ANKS1B: variants seen among roughly 807,000 people sequenced by gnomAD.
The protein encoded by ANKS1B is ankyrin repeat and sterile alpha motif domain containing 1B.
In ANKS1B, 36 loss-of-function variants were observed where a neutral mutation model predicts 148.3. The ratio of observed to expected loss-of-function variants is 0.24; its 90% CI spans 0.19 to 0.32. The LOEUF (loss-of-function observed/expected upper bound fraction) is 0.32. Among genes scored for constraint, ANKS1B ranks in the 10% least tolerant of loss-of-function variants. The pLI is 1.00. For synonymous variants in ANKS1B, 542 were observed against 560.8 expected (o/e 0.97, Z 0.47); for missense variants, 1,157 against 1,542.6 (o/e 0.75, Z 4.19).
chr12:99,899,783 C>T (rs1002186508), intron 1 of ANKS1B, among the ~76,000 whole-genome samples: 1 of 152,042 alleles, frequency 6.6e-6, no homozygotes, highest in Non-Finnish European at 1.5e-5. Context: ...AATAATAATG[C>T]CCTTGTTATT....
chr12:98,926,350 A>T (rs1384162841), intron 17 of ANKS1B, among the ~76,000 whole-genome samples: 1 of 152,210 alleles, frequency 6.6e-6, no homozygotes, highest in Admixed American at 6.5e-5. Context: ...GAATTAGTCC[A>T]GGAAAGTCAC....
chr12:99,341,605 A>T (rs1012268281), intron 12 of ANKS1B, among the ~76,000 whole-genome samples: 2 of 152,084 alleles, frequency 1.3e-5, no homozygotes, highest in African/African-American at 4.8e-5. Context: ...GCTTCAAGGA[A>T]ATCTAGAAAT....
intron 12 of ANKS1B, among the ~76,000 whole-genome samples, chr12:99,259,716 A>G (rs1468983127): frequency 6.6e-6 from 1 of 152,146 alleles, no homozygotes; most frequent in African/African-American, 2.4e-5. Context: ...TGCGCTTTGC[A>G]TTGAAAGAAG....
At chr12:99,610,384 A>T (rs1395188221) in intron 9 of ANKS1B, among the ~76,000 whole-genome samples, 1 of 152,096 alleles carries the variant, frequency 6.6e-6, no homozygotes, top group Admixed American at 6.6e-5. Context: ...ACCCCTTCTG[A>T]AATGAGGGTC....
chr12:99,182,973 C>T (rs528221610), intron 14 of ANKS1B, among the ~76,000 whole-genome samples: 1 of 152,264 alleles, frequency 6.6e-6, no homozygotes, highest in South Asian at 2.1e-4. Context: ...TGAGAAATGT[C>T]TATTCAGATC....
chr12:99,631,018 C>A (rs2098154647), intron 9 of ANKS1B, among the ~76,000 whole-genome samples: 1 of 152,088 alleles, frequency 6.6e-6, no homozygotes, highest in Admixed American at 6.5e-5. Context: ...AAGGGGAGTT[C>A]TCCTGTACAT....
intron 1 of ANKS1B, among the ~76,000 whole-genome samples, chr12:99,966,512 A>G (rs1284472472): frequency 6.6e-6 from 1 of 152,180 alleles, no homozygotes; most frequent in African/African-American, 2.4e-5. Flanking sequence ...GGGAGATGAG[A>G]GCCAAATGCT....
At chr12:99,124,417 C>CGTGTGTGTGTGTGTGT (rs1491426061) in intron 15 of ANKS1B, among the ~76,000 whole-genome samples, 1 of 57,122 alleles carries the variant, frequency 1.8e-5, no homozygotes, top group African/African-American at 7.8e-5. Context: ...TATTTGTGTG[C>CGTGTGTGTGTGTGTGT]ATGTGTGTGT....
intron 12 of ANKS1B, among the ~76,000 whole-genome samples, chr12:99,322,368 A>C (rs577907533): frequency 1.9e-4 from 29 of 151,514 alleles, no homozygotes; most frequent in African/African-American, 5.6e-4. Flanking sequence ...GTGGGGAATG[A>C]GGGGAGTGAA....
At chr12:99,515,679 G>C (rs965148002) in intron 9 of ANKS1B, among the ~76,000 whole-genome samples, 13 of 151,922 alleles carry the variant, frequency 8.6e-5, no homozygotes, top group Non-Finnish European at 1.5e-4. Context: ...CTTTGGGGGT[G>C]GGGGGTGTAT....
intron 4 of ANKS1B, among the ~76,000 whole-genome samples, chr12:99,803,125 T>C (rs2067159582): frequency 1.3e-5 from 2 of 152,062 alleles, no homozygotes; most frequent in African/African-American, 2.4e-5. Context: ...GAATATTAAA[T>C]CTACTGAAAC....
Position 99,812,227 on chromosome 12 carries a change from G to A in ANKS1B, c.300C>T (p.Ala100=). 1.2e-6 allele frequency: 2 copies of A among 1,612,028 alleles called. No homozygotes were observed. Among genetic ancestry groups the A allele is most frequent in the Non-Finnish European group, 1.7e-6 (2 of 1,178,698 alleles). ...TCACAATTTCCACATCTCCTTTCCA[G>A]GCAGCCAGGTGAATAGGAAAATACC... is the stretch of plus-strand genomic sequence containing the variant. ...NKGYFPIHLA[A]WKGDVEIVKI... Residue 100 remains alanine, a synonymous_variant, in exon 3 of 27, where the codon GCC becomes GCT. Transcript: ENST00000683438.
At chr12:99,601,060 A>G (rs2097795861) in intron 9 of ANKS1B, among the ~76,000 whole-genome samples, 1 of 151,992 alleles carries the variant, frequency 6.6e-6, no homozygotes, top group South Asian at 2.1e-4. Flanking sequence ...ATAATTGTAA[A>G]ATTTGGAACT....
intron 1 of ANKS1B, among the ~76,000 whole-genome samples, chr12:99,839,414 T>C (rs537949848): frequency 4.6e-5 from 7 of 152,188 alleles, no homozygotes; most frequent in East Asian, 1.9e-4. Flanking sequence ...AGTTTCCCCA[T>C]AGGTAAAACC....
chr12:99,146,136 G>A (rs1267894685), intron 15 of ANKS1B, among the ~76,000 whole-genome samples: 1 of 152,076 alleles, frequency 6.6e-6, no homozygotes, highest in African/African-American at 2.4e-5. Context: ...AATTCCATTT[G>A]ATCAATATTT....
intron 12 of ANKS1B, among the ~76,000 whole-genome samples, chr12:99,369,843 CAG>C (rs2093020620): frequency 7.2e-6 from 1 of 138,518 alleles, no homozygotes; most frequent in Non-Finnish European, 1.6e-5. Context: ...GACAGACAGA[CAG>C]AGACAGATAG....
intron 1 of ANKS1B, among the ~76,000 whole-genome samples, chr12:99,898,720 G>A (rs754809311): frequency 1.7e-4 from 26 of 152,060 alleles, no homozygotes; most frequent in African/African-American, 4.8e-4. Flanking sequence ...ACTGCTCTCC[G>A]CTTTAGCCCC....
chr12:98,879,714 A>G (rs985973180), intron 17 of ANKS1B, among the ~76,000 whole-genome samples: 3 of 152,180 alleles, frequency 2.0e-5, no homozygotes, highest in African/African-American at 7.2e-5. Context: ...TGCCACAAAG[A>G]TAATGTTTAA....
At chr12:99,583,599 TAAAA>T (rs971669925) in intron 9 of ANKS1B, among the ~76,000 whole-genome samples, 6 of 152,188 alleles carry the variant, frequency 3.9e-5, no homozygotes, top group Non-Finnish European at 8.8e-5. Context: ...TGAAGTAAGT[TAAAA>T]AATATGAAAA....
Sources: allele counts gnomAD v4.1 joint callset (sites outside exome capture counted in the v4.1 genomes callset), GRCh38; gene constraint gnomAD v4.1.1; transcripts MANE v1.5; gene names NCBI Gene and HGNC (gene_info 2026-07-23, HGNC 2026-07-21).